FMN2: variants seen among roughly 807,000 people sequenced by gnomAD.
FMN2 encodes formin 2.
Under a neutral mutation model 142.3 loss-of-function variants are expected in FMN2, and 51 were observed. The ratio of observed to expected loss-of-function variants is 0.36; its 90% CI spans 0.29 to 0.45. The LOEUF (loss-of-function observed/expected upper bound fraction) is 0.45, where lower values mean the gene tolerates loss of function less well. FMN2 is among the 20% of genes least tolerant of loss of function. FMN2 has a pLI of 1.00. For synonymous variants in FMN2, 882 were observed against 869.8 expected (o/e 1.01, Z -0.25); for missense variants, 1,936 against 2,122.8 (o/e 0.91, Z 1.73).
chr1:240,456,013 A>G (rs1676232613), intron 16 of FMN2, among the ~76,000 whole-genome samples: 1 of 151,728 alleles, frequency 6.6e-6, no homozygotes, highest in African/African-American at 2.4e-5. Context: ...AAGTTGCATA[A>G]TGATCTCAGA....
intron 7 of FMN2, among the ~76,000 whole-genome samples, chr1:240,287,340 A>G (rs1669624740): frequency 6.6e-6 from 1 of 152,192 alleles, no homozygotes; most frequent in Non-Finnish European, 1.5e-5. Context: ...AGCAGCTTGC[A>G]AAGCTAACTT....
At chr1:240,465,312 C>T (rs1178742025) in intron 16 of FMN2, among the ~76,000 whole-genome samples, 1 of 147,832 alleles carries the variant, frequency 6.8e-6, no homozygotes, top group East Asian at 2.0e-4. Flanking sequence ...CCACACACTC[C>T]CTACCTTATG....
At chr1:240,306,603 C>G (rs1670416116) in intron 8 of FMN2, among the ~76,000 whole-genome samples, 1 of 152,198 alleles carries the variant, frequency 6.6e-6, no homozygotes, top group Non-Finnish European at 1.5e-5. Context: ...GGTGTTGTAG[C>G]ATTCCGTGGG....
intron 16 of FMN2, among the ~76,000 whole-genome samples, chr1:240,467,077 A>G (rs895256679): frequency 3.9e-5 from 6 of 152,162 alleles, no homozygotes; most frequent in African/African-American, 1.2e-4. Flanking sequence ...ATCACAGCCT[A>G]TCATCCTAAG....
At chr1:240,161,339 T>C (rs1466739745) in intron 2 of FMN2, among the ~76,000 whole-genome samples, 6 of 152,024 alleles carry the variant, frequency 3.9e-5, no homozygotes, top group Admixed American at 1.3e-4. Context: ...GAGACCATCC[T>C]GGCTAACAAG....
chr1:240,332,148 T>C (rs770321225), intron 11 of FMN2, among the ~76,000 whole-genome samples: 2 of 152,176 alleles, frequency 1.3e-5, no homozygotes, highest in African/African-American at 2.4e-5. Flanking sequence ...TAGTCCTTCC[T>C]TGGTACACCA....
Position 240,211,652 on chromosome 1 carries a change from A to G in FMN2, c.4065+417A>G, listed in dbSNP as rs185958106. Among the ~76,000 whole-genome samples the G allele has an allele frequency of 2.7e-3, 413 of 152,338 alleles. 3 individuals are homozygous for G. In the South Asian group the frequency reaches 0.027, roughly 10 times the overall value. ...GATAATGTGTTTGGTATTTTGTTGC[A>G]TTATATCTGAAGTGGATGCCATTAG... On this transcript the variant is annotated intron_variant, in intron 6 of 17. Transcript: ENST00000319653.
chr1:240,451,157 A>G (rs1005783471), intron 16 of FMN2, among the ~76,000 whole-genome samples: 13 of 152,052 alleles, frequency 8.5e-5, no homozygotes, highest in East Asian at 1.9e-4. Flanking sequence ...CACGAGGTCA[A>G]GAGTTTGAGA....
At chr1:240,107,056 G>T (rs2103187162) in intron 1 of FMN2, among the ~76,000 whole-genome samples, 1 of 151,588 alleles carries the variant, frequency 6.6e-6, no homozygotes, top group South Asian at 2.1e-4. Context: ...GAACACAATT[G>T]AAACCTCAGA....
chr1:240,274,315 A>C (rs1669119184), intron 7 of FMN2, among the ~76,000 whole-genome samples: 1 of 152,004 alleles, frequency 6.6e-6, no homozygotes, highest in Admixed American at 6.6e-5. Flanking sequence ...TGATAGCTGA[A>C]GGCCATGACA....
chr1:240,461,963 C>T (rs1676464685), intron 16 of FMN2, among the ~76,000 whole-genome samples: 1 of 152,158 alleles, frequency 6.6e-6, no homozygotes, highest in African/African-American at 2.4e-5. Flanking sequence ...GGACAGCTTT[C>T]CCTGTTCTCA....
chr1:240,137,683 G>A (rs1327608124), intron 2 of FMN2, among the ~76,000 whole-genome samples: 1 of 152,158 alleles, frequency 6.6e-6, no homozygotes, highest in South Asian at 2.1e-4. Context: ...GAACAGACAC[G>A]GTGGTACAGT....
At position 240,392,530 on chromosome 1, in the gene FMN2, A is replaced by C. The variant is rs754239678; in HGVS notation, c.4878A>C (p.Ala1626=). The change falls in exon 15 of 18, where the codon GCA becomes GCC. Residue 1626 remains alanine, a synonymous_variant. Coordinates refer to ENST00000319653, the MANE Select transcript of FMN2 (RefSeq NM_020066.5). ...FIIQAKIDQE[A]EENSLTETHK... ...TTTCAGCCAAAATTGACCAAGAGGC[A>C]GAGGAAAATTCACTGACAGAGACTC... The C allele has an allele frequency of 1.2e-6, 2 of 1,610,374 alleles. No individual in the cohort carries two copies. The highest frequency in any genetic ancestry group is 1.1e-5 in the South Asian group (1 of 90,278).
At chr1:240,134,912 C>T (rs890803590) in intron 2 of FMN2, among the ~76,000 whole-genome samples, 5 of 151,990 alleles carry the variant, frequency 3.3e-5, no homozygotes, top group African/African-American at 9.7e-5. Context: ...GGGAAAGCTA[C>T]GGGGAGGTAA....
At chr1:240,151,870 G>C in intron 2 of FMN2, among the ~76,000 whole-genome samples, 1 of 152,008 alleles carries the variant, frequency 6.6e-6, no homozygotes, top group South Asian at 2.1e-4. Context: ...AGGTTCAAGC[G>C]ATCCTCCCAC....
In FMN2 at chr1:240,184,779, C is replaced by G. The variant is rs181378420; in HGVS notation, c.1931-3428C>G. On this transcript the variant is annotated intron_variant, in intron 3 of 17. Transcript: ENST00000319653. ...GGGAGTCGGGAGTTCCGGGAGTGAT[C>G]ACTTTCATTTAGGGAGCTCTATGAA... Among the ~76,000 whole-genome samples, 81 of 151,892 alleles carry G rather than the reference C, an allele frequency of 5.3e-4. 2 individuals are homozygous for G. In the East Asian group the frequency reaches 0.01, roughly 19 times the overall value.
At chr1:240,131,825 G>A (rs913252755) in intron 2 of FMN2, among the ~76,000 whole-genome samples, 13 of 152,214 alleles carry the variant, frequency 8.5e-5, no homozygotes, top group African/African-American at 3.1e-4. Context: ...TGCGTAGAAA[G>A]GAGACCAGGG....
intron 2 of FMN2, among the ~76,000 whole-genome samples, chr1:240,159,941 A>ATATATATATATATATTTGTG (rs1433691714): frequency 8.9e-6 from 1 of 112,888 alleles, no homozygotes; most frequent in Non-Finnish European, 1.9e-5. Flanking sequence ...ATTTGTGTAT[A>ATATATATATATATATTTGTG]TATATATATC....
chr1:240,137,417 G>T (rs1480246222), intron 2 of FMN2, among the ~76,000 whole-genome samples: 1 of 152,136 alleles, frequency 6.6e-6, no homozygotes, highest in Non-Finnish European at 1.5e-5. Flanking sequence ...AATAAGCACG[G>T]CTGTGTTTCC....
Sources: gnomAD v4.1 joint callset for allele counts (sites outside exome capture counted in the v4.1 genomes callset) on GRCh38, gnomAD v4.1.1 for gene constraint, MANE v1.5 for transcripts, NCBI Gene and HGNC (gene_info 2026-07-23, HGNC 2026-07-21) for gene names.